ABCB1: variants seen among roughly 807,000 people sequenced by gnomAD.
ABCB1 encodes ATP-dependent translocase ABCB1.
A neutral mutation model predicts 142.0 loss-of-function variants in ABCB1; 69 were observed. That is an observed-to-expected ratio of 0.49 (90% confidence interval 0.40 to 0.59). The LOEUF is 0.59. Ranked by LOEUF, ABCB1 falls within the 20% of genes least tolerant of loss-of-function variation. ABCB1 has a pLI of 0.00. For missense variants in ABCB1, 1,326 were observed against 1,554.7 expected (o/e 0.85, Z 2.47); for synonymous variants, 532 against 539.2 (o/e 0.99, Z 0.18).
At chr7:87,702,768 C>G (rs1310668092) in intron 1 of ABCB1, among the ~76,000 whole-genome samples, 1 of 152,048 alleles carries the variant, frequency 6.6e-6, no homozygotes, top group Non-Finnish European at 1.5e-5. Context: ...CAAATGATCT[C>G]AAAACTAAAA....
rs74543041 is a variant in ABCB1, at chr7:87,620,602, T to C, written c.-330-19524A>G. On this transcript the variant is annotated intron_variant, in intron 1 of 28. Transcript: ENST00000265724. ...TTTAGTTTTGAAAGCAAATTCTTAATGTTAAAGAGATTTACGTGTTGTTCC... is the reference window on the plus strand; with the variant it reads ...TTTAGTTTTGAAAGCAAATTCTTAACGTTAAAGAGATTTACGTGTTGTTCC... Among the ~76,000 whole-genome samples, 3 of 152,320 alleles carry C rather than the reference T, an allele frequency of 2.0e-5. No homozygotes were observed. The East Asian group carries it at 5.8e-4, about 29-fold the overall frequency.
intron 17 of ABCB1, among the ~76,000 whole-genome samples, chr7:87,543,122 T>C (rs866026259): frequency 1.3e-5 from 2 of 151,992 alleles, no homozygotes; most frequent in East Asian, 1.9e-4. Flanking sequence ...GGTGAAGTCC[T>C]ATCTCTACTA....
At chr7:87,640,847 C>G (rs1822376083) in intron 1 of ABCB1, among the ~76,000 whole-genome samples, 1 of 152,024 alleles carries the variant, frequency 6.6e-6, no homozygotes. Context: ...TTTTTAATTT[C>G]AGGTAGTTCC....
chr7:87,609,373 T>C (rs948516584), intron 1 of ABCB1, among the ~76,000 whole-genome samples: 2 of 152,180 alleles, frequency 1.3e-5, no homozygotes, highest in African/African-American at 4.8e-5. Context: ...TCTGGATTCA[T>C]AGATGTTTGA....
chr7:87,505,024 T>C (rs1051488345), intron 27 of ABCB1, among the ~76,000 whole-genome samples: 6 of 151,978 alleles, frequency 3.9e-5, no homozygotes, highest in African/African-American at 1.4e-4. Context: ...AGTGTAGTGG[T>C]ACAATCATGG....
chr7:87,690,564 A>G (rs1436366009), intron 1 of ABCB1, among the ~76,000 whole-genome samples: 1 of 152,196 alleles, frequency 6.6e-6, no homozygotes, highest in Non-Finnish European at 1.5e-5. Flanking sequence ...TTAACTTCAG[A>G]ACCTGTTAAA....
intron 21 of ABCB1, among the ~76,000 whole-genome samples, chr7:87,523,958 T>G (rs1313493933): frequency 1.3e-5 from 2 of 152,184 alleles, no homozygotes; most frequent in African/African-American, 4.8e-5. Context: ...ATGTTCTTCC[T>G]CTCTTTGGCC....
At position 87,516,607 on chromosome 7, in the gene ABCB1, G is replaced by A; in HGVS notation, c.2986C>T (p.Pro996Ser). The change falls in exon 24 of 28, where the codon CCT becomes TCT. Residue 996 changes from proline to serine, a missense_variant. Physicochemically the swap from Pro to Ser is moderately conservative, Grantham distance 74. Transcript: ENST00000622132. ...MAVGQVSSFA[P>S]DYAKAKISAA... ...GATATTTTGGCTTTGGCATAGTCAGGAGCAAATGAACTGACTTGCCCCACG... is the reference window on the plus strand; with the variant it reads ...GATATTTTGGCTTTGGCATAGTCAGAAGCAAATGAACTGACTTGCCCCACG... 6.2e-7 allele frequency: 1 copy of A among 1,614,136 alleles called. No homozygotes were observed. The highest frequency in any genetic ancestry group is 8.5e-7 in the Non-Finnish European group (1 of 1,180,034).
upstream of ABCB1, among the ~76,000 whole-genome samples, chr7:87,605,220 G>A (rs1003665625): frequency 1.3e-5 from 2 of 152,090 alleles, no homozygotes; most frequent in Non-Finnish European, 2.9e-5. Context: ...TGCAACCTCC[G>A]CCTCCTGGGT....
chr7:87,579,601 C>T (rs567707017), intron 4 of ABCB1, among the ~76,000 whole-genome samples: 3 of 151,968 alleles, frequency 2.0e-5, no homozygotes, highest in African/African-American at 7.2e-5. Flanking sequence ...TTTTTTAATC[C>T]ATTCAGCCAC....
intron 1 of ABCB1, among the ~76,000 whole-genome samples, chr7:87,632,997 T>G (rs1251610844): frequency 6.6e-6 from 1 of 151,536 alleles, no homozygotes; most frequent in Admixed American, 6.6e-5. Flanking sequence ...TGGAGACAAG[T>G]GATGATTTCA....
intron 15 of ABCB1, 21 bp downstream of exon 15, chr7:87,545,842 A>T: frequency 6.2e-7 from 1 of 1,610,836 alleles, no homozygotes; most frequent in Non-Finnish European, 8.5e-7. Context: ...GACTTAGGAA[A>T]ATTCTGAAGT....
intron 1 of ABCB1, among the ~76,000 whole-genome samples, chr7:87,626,222 A>ATG (rs778439782): frequency 8.6e-5 from 1 of 11,582 alleles, no homozygotes; most frequent in East Asian, 5.5e-3. Context: ...TGTCATATAT[A>ATG]TGTCATATAT....
At chr7:87,691,034 T>A (rs527953761) in intron 1 of ABCB1, among the ~76,000 whole-genome samples, 61 of 152,238 alleles carry the variant, frequency 4.0e-4, no homozygotes, top group Admixed American at 7.2e-4. Flanking sequence ...ACGATAGTGA[T>A]TCAATGATCA....
Position 87,550,464 on chromosome 7 carries a change from GT to G in ABCB1, c.1224+3del. ...AATTGTTGATTAATCATTTATCACT[GT>G]ACCTTAACTTCTTTTCGAGATGGGT... On this transcript the variant is annotated splice_donor_region_variant and intron_variant, in intron 11 of 27. Coordinates refer to ENST00000622132, the MANE Select transcript of ABCB1 (RefSeq NM_001348946.2). 3 of 1,609,892 alleles carry G rather than the reference GT, an allele frequency of 1.9e-6. No individual in the cohort carries two copies. Among genetic ancestry groups the G allele is most frequent in the Non-Finnish European group, 2.5e-6 (3 of 1,177,494 alleles).
chr7:87,656,364 C>A (rs1028566529), intron 1 of ABCB1, among the ~76,000 whole-genome samples: 11 of 151,800 alleles, frequency 7.2e-5, no homozygotes, highest in Admixed American at 5.9e-4. Flanking sequence ...ATACGGTATG[C>A]ATTAGTAGTA....
chr7:87,551,089 A>G (rs1344443929), intron 9 of ABCB1, among the ~76,000 whole-genome samples: 1 of 151,636 alleles, frequency 6.6e-6, no homozygotes, highest in East Asian at 2.0e-4. Context: ...TGGTGCAATC[A>G]TAGCTCGTCA....
chr7:87,700,550 C>G, intron 1 of ABCB1: 1 of 1,608,382 alleles, frequency 6.2e-7, no homozygotes, highest in Non-Finnish European at 8.5e-7. Flanking sequence ...TCTTCTAGAG[C>G]TAAGGTAAGA....
At position 87,539,311 on chromosome 7, in the gene ABCB1, G is replaced by A; in HGVS notation, c.2354C>T (p.Thr785Ile). 1 of 1,614,158 alleles carries A rather than the reference G, an allele frequency of 6.2e-7. No individual in the cohort carries two copies. Among genetic ancestry groups the A allele is most frequent in the Non-Finnish European group, 8.5e-7 (1 of 1,179,984 alleles). ...FTFGKAGEIL[T>I]KRLRYMVFRS... ...GAAAACCATGTATCGGAGCCGCTTGGTGAGGATCTCTCCAGCTTTGCCAAA... is the reference window on the plus strand; with the variant it reads ...GAAAACCATGTATCGGAGCCGCTTGATGAGGATCTCTCCAGCTTTGCCAAA... The change falls in exon 19 of 28, where the codon ACC (threonine) becomes ATC (isoleucine). Residue 785 changes from threonine to isoleucine, a missense_variant. Thr to Ile is a moderately conservative substitution (Grantham distance 89). Coordinates refer to ENST00000622132, the MANE Select transcript of ABCB1 (RefSeq NM_001348946.2).
Sources: allele counts gnomAD v4.1 joint callset (sites outside exome capture counted in the v4.1 genomes callset), GRCh38; gene constraint gnomAD v4.1.1; transcripts MANE v1.5; gene names NCBI Gene and HGNC (gene_info 2026-07-23, HGNC 2026-07-21).